The following KMT5A variants were observed in gnomAD, a reference collection of about 807,000 sequenced individuals.
The protein encoded by KMT5A is lysine methyltransferase 5A, also known as N-lysine methyltransferase KMT5A.
Under a neutral mutation model 40.6 loss-of-function variants are expected in KMT5A, and 6 were observed. That is an observed-to-expected ratio of 0.15 (90% confidence interval 0.08 to 0.29). KMT5A has a LOEUF of 0.29. Among genes scored for constraint, KMT5A ranks in the 10% least tolerant of loss-of-function variants. KMT5A has a pLI of 1.00. For missense variants in KMT5A, 308 were observed against 459.1 expected (o/e 0.67, Z 3.01); for synonymous variants, 153 against 178.8 (o/e 0.86, Z 1.15).
chr12:123,399,258 C>T (rs1877969808), intron 5 of KMT5A, among the ~76,000 whole-genome samples: 8 of 152,278 alleles, frequency 5.3e-5, no homozygotes, highest in Admixed American at 5.2e-4. Context: ...CTCAACTGCC[C>T]TAGTTCCAAC....
rs1220763656 is a variant in KMT5A at position 123,384,472 on chromosome 12, C to A, written c.10+264C>A. ...GAACACCTGCGGGCCTGCCTCTCCACGGCAGCAGATCCATATGTCAGAGCT... is the reference window on the plus strand; with the variant it reads ...GAACACCTGCGGGCCTGCCTCTCCAAGGCAGCAGATCCATATGTCAGAGCT... On this transcript the variant is annotated intron_variant, in intron 1 of 7. Coordinates refer to ENST00000402868, the MANE Select transcript of KMT5A (RefSeq NM_020382.7). This position sits in a 1 kb window ranked among gnomAD's most constrained non-coding sequence, Gnocchi z 5.7. Among the ~76,000 whole-genome samples the A allele has an allele frequency of 2.6e-5, 4 of 152,210 alleles. No individual in the cohort carries two copies. The highest frequency in any genetic ancestry group is 2.9e-5 in the Non-Finnish European group (2 of 68,040).
At chr12:123,405,192 CTTTT>C in intron 7 of KMT5A, 118 bp downstream of exon 7, 1 of 839,362 alleles carries the variant, frequency 1.2e-6, no homozygotes, top group Non-Finnish European at 1.7e-6. Context: ...TTGTTGTTGA[CTTTT>C]TTTTTTTTAT....
intron 2 of KMT5A, chr12:123,390,299 C>G: frequency 2.6e-6 from 1 of 384,862 alleles, no homozygotes; most frequent in Non-Finnish European, 5.0e-6. Flanking sequence ...TAAAGATAGC[C>G]TAGCTCTTCA....
intron 4 of KMT5A, 48 bp downstream of exon 4, chr12:123,395,314 C>T (rs772143570): frequency 2.5e-6 from 4 of 1,574,034 alleles, no homozygotes; most frequent in South Asian, 2.3e-5. Context: ...AGTTTGGTTC[C>T]TCTGATGCCA....
At chr12:123,392,378 C>T (rs1044279676) in intron 3 of KMT5A, among the ~76,000 whole-genome samples, 8 of 152,112 alleles carry the variant, frequency 5.3e-5, no homozygotes, top group Non-Finnish European at 1.0e-4. Context: ...GGGTCAGAGT[C>T]CGGGCATGGT....
rs891195110 is a variant in KMT5A at position 123,406,649 on chromosome 12, T to A, written c.849-844T>A. ...TTTTAATCCATTTATTTTGTGAAAC[T>A]CTACCATTTCCTCCTGTGCCTCCAT... On this transcript the variant is annotated intron_variant, in intron 7 of 7. Transcript: ENST00000402868. Among the ~76,000 whole-genome samples, 9 of 152,180 alleles carry A rather than the reference T, an allele frequency of 5.9e-5. No individual in the cohort carries two copies. In the East Asian group the frequency reaches 1.7e-3, roughly 29 times the overall value.
intron 3 of KMT5A, chr12:123,391,109 G>A (rs1176447971): frequency 1.4e-5 from 4 of 295,412 alleles, no homozygotes; most frequent in South Asian, 4.0e-5. Flanking sequence ...AATTCAGGTT[G>A]TACAGACCAG....
At chr12:123,390,083 C>T (rs1335220691) in intron 2 of KMT5A, 5 of 469,130 alleles carry the variant, frequency 1.1e-5, no homozygotes, top group African/African-American at 1.0e-4. Flanking sequence ...CCAGATTCCC[C>T]AGTCACCCTG....
intron 3 of KMT5A, among the ~76,000 whole-genome samples, chr12:123,394,104 C>CTTTTTT (rs397711320): frequency 1.6e-5 from 2 of 125,074 alleles, no homozygotes; most frequent in African/African-American, 3.0e-5. Flanking sequence ...ATTTTTTTTT[C>CTTTTTT]TTTTTTTTTT....
At chr12:123,397,190 G>T (rs755243716) in intron 5 of KMT5A, among the ~76,000 whole-genome samples, 11 of 152,274 alleles carry the variant, frequency 7.2e-5, no homozygotes, top group Admixed American at 2.6e-4. Flanking sequence ...TTTGCAGAGG[G>T]TTGAGCTATG....
rs1323855070 is a variant in KMT5A, at chr12:123,389,493, C to T, written c.71C>T (p.Ala24Val). 4.4e-6 allele frequency: 5 copies of T among 1,127,512 alleles called. No individual in the cohort carries two copies. Among genetic ancestry groups the T allele is most frequent in the Admixed American group, 5.0e-5 (1 of 19,976 alleles). The allele number at this position is 1,127,512 out of a possible 1,614,324, so 69.8% of individuals were successfully genotyped here. A position where few individuals can be genotyped will look rare whatever the true frequency, so the allele number is the denominator to read the frequency against. Residue 24 changes from alanine (A) to valine (V), a missense_variant, in exon 2 of 8, where the codon GCG becomes GTG. Coordinates refer to ENST00000402868, the MANE Select transcript of KMT5A (RefSeq NM_020382.7). ...EAAAAAAAVA[A>V]TAPGPEMVER... ...GCGGCGGCGGCGGCGGCGGTGGCAG[C>T]GACGGCCCCGGGCCCGGAGATGGTG... is the stretch of plus-strand genomic sequence containing the variant.
At chr12:123,387,642 C>A (rs1876954658) in intron 1 of KMT5A, among the ~76,000 whole-genome samples, 1 of 152,198 alleles carries the variant, frequency 6.6e-6, no homozygotes, top group Non-Finnish European at 1.5e-5. Context: ...TTGAAGGATG[C>A]TAAAGCATGA....
chr12:123,385,858 A>T (rs1358314496), intron 1 of KMT5A, among the ~76,000 whole-genome samples: 1 of 152,188 alleles, frequency 6.6e-6, no homozygotes. Flanking sequence ...TCTCAAAAAA[A>T]CAAACAAGAA....
chr12:123,405,117 C>T, intron 7 of KMT5A, 43 bp downstream of exon 7: 1 of 1,542,266 alleles, frequency 6.5e-7, no homozygotes. Flanking sequence ...GTCCTCTGGG[C>T]AGTGAGGAGA....
chr12:123,389,492 G>C lies in KMT5A; in HGVS notation c.70G>C (p.Ala24Pro). Residue 24 changes from alanine (A) to proline (P), a missense_variant, in exon 2 of 8, where the codon GCG (alanine) becomes CCG (proline). Transcript: ENST00000402868. The stretch of plus-strand genomic sequence containing the variant: ...GGCGGCGGCGGCGGCGGCGGTGGCA[G>C]CGACGGCCCCGGGCCCGGAGATGGT... ...EAAAAAAAVA[A>P]TAPGPEMVER... 8.9e-7 allele frequency: 1 copy of C among 1,128,674 alleles called. No individual in the cohort carries two copies. The highest frequency in any genetic ancestry group is 5.0e-5 in the East Asian group (1 of 20,182). The allele number at this position is 1,128,674 out of a possible 1,614,324, so 69.9% of individuals were successfully genotyped here.
In KMT5A at chr12:123,407,646, T is replaced by C. The variant is rs1433709073; in HGVS notation, c.1002T>C (p.Tyr334=). ...RDIAAGEELL[Y]DYGDRSKASI... ...TCGCGGCTGGGGAGGAGCTCCTGTA[T>C]GACTATGGGGACCGCAGCAAGGCTT... Residue 334 remains tyrosine (Y), a synonymous_variant, in exon 8 of 8, where the codon TAT becomes TAC. Transcript: ENST00000402868. 4 of 1,613,760 alleles carry C rather than the reference T, an allele frequency of 2.5e-6. No individual in the cohort carries two copies. The highest frequency in any genetic ancestry group is 1.7e-5 in the Admixed American group (1 of 59,980).
chr12:123,390,106 C>G (rs1392403936), intron 2 of KMT5A: 2 of 468,864 alleles, frequency 4.3e-6, no homozygotes, highest in Non-Finnish European at 8.8e-6. Context: ...AGAAGTCCTC[C>G]CGTCGCAGCC....
intron 1 of KMT5A, among the ~76,000 whole-genome samples, chr12:123,386,952 G>T (rs946676267): frequency 1.9e-4 from 29 of 151,944 alleles, no homozygotes; most frequent in African/African-American, 4.8e-5. Flanking sequence ...ACCCCCCTGG[G>T]TTCAAGTGAC....
intron 3 of KMT5A, 199 bp downstream of exon 3, chr12:123,390,985 C>T (rs1877275967): frequency 3.4e-6 from 2 of 584,628 alleles, no homozygotes; most frequent in Admixed American, 3.3e-5. Context: ...GTTTTCCCTG[C>T]TTTCACAAGA....
Sources: allele counts gnomAD v4.1 joint callset (sites outside exome capture counted in the v4.1 genomes callset), GRCh38; gene constraint gnomAD v4.1.1; non-coding constraint Gnocchi (gnomAD v3.1); transcripts MANE v1.5; gene names NCBI Gene and HGNC (gene_info 2026-07-23, HGNC 2026-07-21).